MARCHF1: variants seen among roughly 807,000 people sequenced by gnomAD.
MARCHF1 encodes membrane associated ring-CH-type finger 1, also known as E3 ubiquitin-protein ligase MARCHF1.
A neutral mutation model predicts 54.2 loss-of-function variants in MARCHF1; 40 were observed. That is an observed-to-expected ratio of 0.74 (90% CI 0.57 to 0.96). The LOEUF is 0.96. Ranked by LOEUF, MARCHF1 falls within the 40% of genes least tolerant of loss-of-function variation. The pLI is 0.00. For synonymous variants in MARCHF1, 236 were observed against 236.3 expected, an observed-to-expected ratio of 1.00 and a Z score of 0.01; for missense variants, 586 against 656.5, an observed-to-expected ratio of 0.89 and a Z score of 1.17.
intron 5 of MARCHF1, among the ~76,000 whole-genome samples, chr4:163,697,108 G>A (rs1243250727): frequency 6.6e-6 from 1 of 152,132 alleles, no homozygotes; most frequent in Non-Finnish European, 1.5e-5. Flanking sequence ...GGTGTGCTGG[G>A]ATGTGCTCAA....
intron 3 of MARCHF1, among the ~76,000 whole-genome samples, chr4:163,933,749 A>C (rs1751732175): frequency 6.6e-6 from 1 of 152,264 alleles, no homozygotes; most frequent in Non-Finnish European, 1.5e-5. Context: ...ATTAAATTGA[A>C]TGGAAAAGCC....
At chr4:163,728,302 T>C (rs1461095351) in intron 4 of MARCHF1, among the ~76,000 whole-genome samples, 1 of 152,238 alleles carries the variant, frequency 6.6e-6, no homozygotes, top group Non-Finnish European at 1.5e-5. Flanking sequence ...CAATATTTCA[T>C]TGAATATTCT....
At chr4:164,023,685 C>T (rs368461844) in intron 2 of MARCHF1, among the ~76,000 whole-genome samples, 1 of 152,138 alleles carries the variant, frequency 6.6e-6, no homozygotes, top group Admixed American at 6.5e-5. Flanking sequence ...GCCAGTATCC[C>T]CTTACCTTCA....
intron 1 of MARCHF1, among the ~76,000 whole-genome samples, chr4:164,275,589 A>AGT (rs1448489782): frequency 6.6e-6 from 1 of 152,252 alleles, no homozygotes; most frequent in Non-Finnish European, 1.5e-5. Context: ...GAAGGAGATT[A>AGT]GTGGGTTGAT....
At chr4:163,563,985 G>T (rs1447308675) in intron 8 of MARCHF1, among the ~76,000 whole-genome samples, 1 of 152,134 alleles carries the variant, frequency 6.6e-6, no homozygotes, top group Non-Finnish European at 1.5e-5. Flanking sequence ...AATTGACCAA[G>T]CTTCTGTTTT....
At chr4:163,911,193 T>G (rs550071073) in intron 3 of MARCHF1, among the ~76,000 whole-genome samples, 3 of 152,328 alleles carry the variant, frequency 2.0e-5, no homozygotes, top group Non-Finnish European at 4.4e-5. Context: ...CATCTTATGT[T>G]TTACCATCTA....
chr4:163,724,732 TGC>T (rs1745597958), intron 4 of MARCHF1, among the ~76,000 whole-genome samples: 1 of 152,204 alleles, frequency 6.6e-6, no homozygotes, highest in Non-Finnish European at 1.5e-5. Context: ...TCAGCCTCGC[TGC>T]CACCTTGCAG....
intron 5 of MARCHF1, among the ~76,000 whole-genome samples, chr4:163,638,152 T>G: frequency 6.9e-6 from 1 of 145,202 alleles, no homozygotes; most frequent in African/African-American, 2.6e-5. Flanking sequence ...AGATGACGAG[T>G]TAGTGGGTGC....
chr4:164,133,495 TGAA>T lies in MARCHF1; in HGVS notation c.-322-21836_-322-21834del, dbSNP rs1184212739. On this transcript the variant is annotated intron_variant, in intron 1 of 9. Coordinates refer to ENST00000514618, the MANE Select transcript of MARCHF1 (RefSeq NM_001394959.1). ...ATTCAAAACCATTATAAAATTTATT[TGAA>T]GAAAAGTCTCATCACATTAAAATAT... is the stretch of plus-strand genomic sequence containing the variant. 2.6e-5 allele frequency among the ~76,000 whole-genome samples: 4 copies of T among 152,298 alleles called. No homozygotes were observed. In the East Asian group the frequency reaches 7.7e-4, roughly 29 times the overall value.
At chr4:164,200,365 T>C (rs994262657) in intron 1 of MARCHF1, among the ~76,000 whole-genome samples, 2 of 152,212 alleles carry the variant, frequency 1.3e-5, no homozygotes, top group African/African-American at 4.8e-5. Context: ...TAAGACGCAC[T>C]TCTCTCTCTA....
At chr4:163,576,535 G>T (rs1450903406) in intron 8 of MARCHF1, among the ~76,000 whole-genome samples, 2 of 151,990 alleles carry the variant, frequency 1.3e-5, no homozygotes, top group Non-Finnish European at 2.9e-5. Flanking sequence ...TGAATAGAGT[G>T]CTCTGTAGAT....
intron 1 of MARCHF1, among the ~76,000 whole-genome samples, chr4:164,352,612 C>T (rs1306270493): frequency 2.0e-4 from 30 of 150,006 alleles, no homozygotes; most frequent in Middle Eastern, 3.4e-3. Context: ...CTGAAGGAAG[C>T]GCTAAACATG....
chr4:163,740,037 T>C (rs1746151139), intron 4 of MARCHF1, among the ~76,000 whole-genome samples: 1 of 152,180 alleles, frequency 6.6e-6, no homozygotes, highest in South Asian at 2.1e-4. Context: ...GTAAATTACC[T>C]GATCATTATA....
At chr4:164,246,833 T>C (rs1343666616) in intron 1 of MARCHF1, among the ~76,000 whole-genome samples, 2 of 129,684 alleles carry the variant, frequency 1.5e-5, no homozygotes, top group Non-Finnish European at 3.2e-5. Context: ...AAGACATTTA[T>C]GCAGCCAAAA....
chr4:163,564,390 G>C (rs1739575890), intron 8 of MARCHF1, among the ~76,000 whole-genome samples: 1 of 152,148 alleles, frequency 6.6e-6, no homozygotes, highest in African/African-American at 2.4e-5. Flanking sequence ...ATTGAAATAA[G>C]AATAGCAGCT....
chr4:164,062,204 A>C (rs967463885), intron 2 of MARCHF1, among the ~76,000 whole-genome samples: 2 of 152,148 alleles, frequency 1.3e-5, no homozygotes, highest in Non-Finnish European at 2.9e-5. Context: ...AAATTTTATC[A>C]TGAGATTGCA....
chr4:163,748,910 G>C (rs1746437332), intron 4 of MARCHF1, among the ~76,000 whole-genome samples: 1 of 152,164 alleles, frequency 6.6e-6, no homozygotes, highest in South Asian at 2.1e-4. Flanking sequence ...AGGTTGTGAG[G>C]GCTCTTCATC....
chr4:164,199,146 T>C (rs1453436085), intron 1 of MARCHF1, among the ~76,000 whole-genome samples: 1 of 152,168 alleles, frequency 6.6e-6, no homozygotes. Context: ...GACAATTGAA[T>C]GAGCTTACAT....
At chr4:164,352,368 C>T (rs1195100943) in intron 1 of MARCHF1, among the ~76,000 whole-genome samples, 2 of 128,894 alleles carry the variant, frequency 1.6e-5, no homozygotes, top group Non-Finnish European at 3.4e-5. Flanking sequence ...AGAGAAAGGT[C>T]GGGTTACCCT....
Sources: allele counts gnomAD v4.1 joint callset (sites outside exome capture counted in the v4.1 genomes callset), GRCh38; gene constraint gnomAD v4.1.1; transcripts MANE v1.5; gene names NCBI Gene and HGNC (gene_info 2026-07-23, HGNC 2026-07-21).